Variants in IQCH observed in about 807,000 individuals in gnomAD.
IQCH encodes IQ motif containing H, also known as IQ domain-containing protein H.
Under a neutral mutation model 117.0 loss-of-function variants are expected in IQCH, and 98 were observed. The ratio of observed to expected loss-of-function variants is 0.84; its 90% CI spans 0.71 to 0.99. The LOEUF (loss-of-function observed/expected upper bound fraction) is 0.99, where lower values mean the gene tolerates loss of function less well. Ranked by LOEUF, IQCH falls within the 50% of genes least tolerant of loss-of-function variation. The probability of loss-of-function intolerance (pLI) is 0.00; values close to 1 mark genes in which losing one functional copy is unlikely to be tolerated. For missense variants in IQCH, 1,102 were observed against 1,243.8 expected (o/e 0.89, Z 1.72); for synonymous variants, 412 against 448.2 (o/e 0.92, Z 1.02).
rs1429377737 is a variant in IQCH at position 67,432,966 on chromosome 15, T to C, written c.2505+11389T>C. Among the ~76,000 whole-genome samples, 2 of 152,242 alleles carry C rather than the reference T, an allele frequency of 1.3e-5. No homozygotes were observed. The highest frequency in any genetic ancestry group is 2.9e-5 in the Non-Finnish European group (2 of 68,040). ...ATTCACCAAGGAAGCTCAATGAGAT[T>C]TACTTTTTCTCTTTAGGGAAAGTAT... On this transcript the variant is annotated intron_variant, in intron 16 of 20. Coordinates refer to ENST00000335894, the MANE Select transcript of IQCH (RefSeq NM_001031715.3). This position sits in a 1 kb window ranked among gnomAD's most constrained non-coding sequence, Gnocchi z 5.0.
chr15:67,373,383 G>A lies in IQCH; in HGVS notation c.1322G>A (p.Trp441Ter). 6.2e-7 allele frequency: 1 copy of A among 1,612,444 alleles called. No individual in the cohort carries two copies. The highest frequency in any genetic ancestry group is 8.5e-7 in the Non-Finnish European group (1 of 1,178,742). ...RIRAKHLAANWNRIRTSRRTI... is the reference protein window; with the variant it reads ...RIRAKHLAAN ...GATTTTTAGCATCTGGCAGCCAACT[G>A]GAATCGCATCAGGACCTCCAGGAGG... Residue 441 changes from tryptophan to a stop codon, truncating the protein, a stop_gained, in exon 10 of 21, where the codon TGG becomes TAG. Transcript: ENST00000335894. LOFTEE classifies it high-confidence loss of function.
At chr15:67,429,827 C>T (rs1193185239) in intron 16 of IQCH, among the ~76,000 whole-genome samples, 5 of 152,160 alleles carry the variant, frequency 3.3e-5, no homozygotes, top group Admixed American at 3.3e-4. Context: ...AGGACAGTCC[C>T]ACAATTGTGA....
intron 7 of IQCH, among the ~76,000 whole-genome samples, chr15:67,358,547 T>C (rs1255653321): frequency 2.0e-5 from 3 of 152,110 alleles, no homozygotes; most frequent in Admixed American, 6.5e-5. Context: ...TAATTCATTC[T>C]TATGGAGATT....
rs1004643433 is a variant in IQCH, at chr15:67,467,680, C to A, written c.2676+2383C>A. Among the ~76,000 whole-genome samples the A allele has an allele frequency of 6.6e-6, 1 of 152,214 alleles. No individual in the cohort carries two copies. The highest frequency in any genetic ancestry group is 1.5e-5 in the Non-Finnish European group (1 of 68,054). On this transcript the variant is annotated intron_variant, in intron 17 of 20. Coordinates refer to ENST00000335894, the MANE Select transcript of IQCH (RefSeq NM_001031715.3). The surrounding 1 kb of genome is among the most constrained non-coding windows in gnomAD (Gnocchi z 5.7). Reference sequence around the variant, plus strand: ...TTAAAAAGAAGCATGTGCACATGCACACGCGGTACAACTCACAAGCAAATC... The same window carrying A: ...TTAAAAAGAAGCATGTGCACATGCAAACGCGGTACAACTCACAAGCAAATC...
Position 67,490,984 on chromosome 15 carries a change from C to T in IQCH, c.2861+920C>T, listed in dbSNP as rs561297023. ...TATTTCATATCTTGGCACATGGTTA[C>T]TTGGTACCTTTAAGTCATCCTACCT... On this transcript the variant is annotated intron_variant, in intron 19 of 20. Coordinates refer to ENST00000335894, the MANE Select transcript of IQCH (RefSeq NM_001031715.3). This position sits in a 1 kb window ranked among gnomAD's most constrained non-coding sequence, Gnocchi z 4.9. Among the ~76,000 whole-genome samples the T allele has an allele frequency of 2.0e-5, 3 of 152,220 alleles. No homozygotes were observed. The highest frequency in any genetic ancestry group is 4.4e-5 in the Non-Finnish European group (3 of 68,034).
chr15:67,402,217 TC>T (rs1000718226), intron 14 of IQCH, among the ~76,000 whole-genome samples: 11 of 152,328 alleles, frequency 7.2e-5, no homozygotes, highest in South Asian at 2.1e-4. Flanking sequence ...TAATTAATAA[TC>T]TAACTAAATC....
intron 4 of IQCH, among the ~76,000 whole-genome samples, chr15:67,298,243 G>A (rs1304958606): frequency 6.6e-6 from 1 of 151,798 alleles, no homozygotes; most frequent in Non-Finnish European, 1.5e-5. Flanking sequence ...AGGAGGCGGA[G>A]GTTGCAGTAA....
intron 4 of IQCH, among the ~76,000 whole-genome samples, chr15:67,318,849 T>C (rs1967976295): frequency 6.6e-6 from 1 of 152,036 alleles, no homozygotes; most frequent in African/African-American, 2.4e-5. Context: ...GGGAAGAAAA[T>C]TAGATTAAAT....
Position 67,496,756 on chromosome 15 carries a change from C to T in IQCH, c.2970+2390C>T, listed in dbSNP as rs187191311. On this transcript the variant is annotated intron_variant, in intron 20 of 20. Coordinates refer to ENST00000335894, the MANE Select transcript of IQCH (RefSeq NM_001031715.3). This position sits in a 1 kb window ranked among gnomAD's most constrained non-coding sequence, Gnocchi z 4.4. ...AGTATCGGCCGGGCACGGTGGCTCA[C>T]GCCTGTAATCCCAGCACTTTGGGAG... 5.9e-5 allele frequency among the ~76,000 whole-genome samples: 9 copies of T among 152,160 alleles called. No homozygotes were observed. Among genetic ancestry groups the T allele is most frequent in the East Asian group, 1.9e-4 (1 of 5,164 alleles).
At chr15:67,315,929 C>T (rs979663695) in intron 4 of IQCH, among the ~76,000 whole-genome samples, 2 of 152,116 alleles carry the variant, frequency 1.3e-5, no homozygotes, top group African/African-American at 4.8e-5. Context: ...CTGCCTGGAA[C>T]AAACAGAATG....
intron 4 of IQCH, among the ~76,000 whole-genome samples, chr15:67,293,765 C>G (rs919178426): frequency 6.6e-6 from 1 of 152,076 alleles, no homozygotes; most frequent in Non-Finnish European, 1.5e-5. Context: ...AATTTGATGG[C>G]TCTGAAGGAG....
At chr15:67,308,859 AG>A (rs63127261) in intron 4 of IQCH, among the ~76,000 whole-genome samples, 2,257 of 152,190 alleles carry the variant, frequency 0.015, 54 homozygotes, top group African/African-American at 0.048. Context: ...AGGCAATGAG[AG>A]GCTATAGCCT....
rs764084272 is a variant in IQCH, at chr15:67,422,751, C to T, written c.2505+1174C>T. Among the ~76,000 whole-genome samples, 34 of 152,140 alleles carry T rather than the reference C, an allele frequency of 2.2e-4. No individual in the cohort carries two copies. The highest frequency in any genetic ancestry group is 4.4e-4 in the Non-Finnish European group (30 of 68,028). ...ACTATTCAGGATAAATCATCTTTAA[C>T]CTTTTTCACTTTGCTTTTCCCACCT... On this transcript the variant is annotated intron_variant, in intron 16 of 20. Coordinates refer to ENST00000335894, the MANE Select transcript of IQCH (RefSeq NM_001031715.3). This position sits in a 1 kb window ranked among gnomAD's most constrained non-coding sequence, Gnocchi z 4.7.
intron 16 of IQCH, among the ~76,000 whole-genome samples, chr15:67,440,182 C>A (rs534473376): frequency 6.6e-6 from 1 of 152,174 alleles, no homozygotes; most frequent in East Asian, 1.9e-4. Flanking sequence ...GAATTAGATA[C>A]CCTGAACAGA....
chr15:67,285,293 T>C (rs892502733), intron 4 of IQCH, among the ~76,000 whole-genome samples: 2 of 136,350 alleles, frequency 1.5e-5, no homozygotes, highest in African/African-American at 5.8e-5. Context: ...TTGCCCACTT[T>C]TTAATGTTTT....
Position 67,329,753 on chromosome 15 carries a change from G to C in IQCH, c.388-7222G>C, listed in dbSNP as rs78205488. 4.8e-3 allele frequency among the ~76,000 whole-genome samples: 725 copies of C among 152,196 alleles called. 4 individuals carry two copies. The highest frequency in any genetic ancestry group is 0.017 in the African/African-American group (701 of 41,502). Reference sequence around the variant, plus strand: ...CAAAGCACTGGGATTGCAGGCATGAGCCGCTGCACCTAGCCAAATTCTGGC... The same window carrying C: ...CAAAGCACTGGGATTGCAGGCATGACCCGCTGCACCTAGCCAAATTCTGGC... On this transcript the variant is annotated intron_variant, in intron 4 of 20. Transcript: ENST00000335894.
chr15:67,449,364 C>T lies in IQCH; in HGVS notation c.2506-15763C>T, dbSNP rs575096418. 1.8e-4 allele frequency among the ~76,000 whole-genome samples: 28 copies of T among 152,010 alleles called. No individual in the cohort carries two copies. In the South Asian group the frequency reaches 4.0e-3, roughly 21 times the overall value. On this transcript the variant is annotated intron_variant, in intron 16 of 20. Coordinates refer to ENST00000335894, the MANE Select transcript of IQCH (RefSeq NM_001031715.3). ...AGGGTTTTTATGGTTTTAGGTCTAA[C>T]ATTTAAGTCTTTAATCCATCTTGAA...
chr15:67,419,810 G>A lies in IQCH; in HGVS notation c.2219-1481G>A, dbSNP rs62016027. ...TCAGAGGAGGAATTAATTGCTTTGA[G>A]TGGAAAAAAAGTAACAGTGAAAAGG... On this transcript the variant is annotated intron_variant, in intron 15 of 20. Coordinates refer to ENST00000335894, the MANE Select transcript of IQCH (RefSeq NM_001031715.3). Among the ~76,000 whole-genome samples, 956 of 152,246 alleles carry A rather than the reference G, an allele frequency of 6.3e-3. 7 individuals carry two copies. Among genetic ancestry groups the A allele is most frequent in the Non-Finnish European group, 9.1e-3 (620 of 68,016 alleles).
At chr15:67,462,294 T>C (rs2082817746) in intron 16 of IQCH, among the ~76,000 whole-genome samples, 1 of 151,762 alleles carries the variant, frequency 6.6e-6, no homozygotes, top group Non-Finnish European at 1.5e-5. Flanking sequence ...CTGGGCGTGG[T>C]GGCAGGCACC....
Sources: gnomAD v4.1 joint callset for allele counts (sites outside exome capture counted in the v4.1 genomes callset) on GRCh38, gnomAD v4.1.1 for gene constraint, Gnocchi (gnomAD v3.1) non-coding constraint, MANE v1.5 for transcripts, NCBI Gene and HGNC (gene_info 2026-07-23, HGNC 2026-07-21) for gene names.